The following RAD54L variants were observed in gnomAD, a reference collection of about 807,000 sequenced individuals.
The protein encoded by RAD54L is DNA repair and recombination protein RAD54-like.
Under a neutral mutation model 91.6 loss-of-function variants are expected in RAD54L, and 74 were observed. The ratio of observed to expected loss-of-function variants is 0.81; its 90% CI spans 0.67 to 0.98. RAD54L has a LOEUF of 0.98. RAD54L is among the 50% of genes least tolerant of loss of function. RAD54L has a pLI of 0.00. For synonymous variants in RAD54L, 304 were observed against 349.7 expected (o/e 0.87, Z 1.46); for missense variants, 887 against 945.7 (o/e 0.94, Z 0.81).
chr1:46,259,108 A>G (rs1660023637), intron 4 of RAD54L, among the ~76,000 whole-genome samples: 1 of 151,510 alleles, frequency 6.6e-6, no homozygotes, highest in South Asian at 2.1e-4. Flanking sequence ...TCCCTGTCTT[A>G]TGTAGGGTAC....
At chr1:46,257,796 C>A (rs1309744925) in intron 3 of RAD54L, among the ~76,000 whole-genome samples, 5 of 152,170 alleles carry the variant, frequency 3.3e-5, no homozygotes. Context: ...GGGTGAGAGG[C>A]CACGTTGCCT....
intron 3 of RAD54L, among the ~76,000 whole-genome samples, chr1:46,255,179 G>T (rs1463815958): frequency 6.6e-6 from 1 of 152,052 alleles, no homozygotes; most frequent in African/African-American, 2.4e-5. Flanking sequence ...GGAGAGGAGA[G>T]ATAAGCAATC....
At position 46,277,806 on chromosome 1, in the gene RAD54L, C is replaced by A; in HGVS notation, c.1870-11C>A. 6.2e-7 allele frequency: 1 copy of A among 1,600,286 alleles called. No homozygotes were observed. The highest frequency in any genetic ancestry group is 8.6e-7 in the Non-Finnish European group (1 of 1,167,880). ...TGTATCTTTTGACATTCCCCACCTCCTCTTCCCCAGGCAGGGACCATTGAG... is the reference window on the plus strand; with the variant it reads ...TGTATCTTTTGACATTCCCCACCTCATCTTCCCCAGGCAGGGACCATTGAG... On this transcript the variant is annotated splice_polypyrimidine_tract_variant and intron_variant, in intron 16 of 17. Coordinates refer to ENST00000371975, the MANE Select transcript of RAD54L (RefSeq NM_003579.4).
chr1:46,277,562 A>C, intron 16 of RAD54L: 1 of 530,392 alleles, frequency 1.9e-6, no homozygotes, highest in Non-Finnish European at 3.4e-6. Flanking sequence ...CCCTGACGGG[A>C]TTTAGCCAGG....
At chr1:46,253,809 A>G (rs2148280337) in intron 3 of RAD54L, among the ~76,000 whole-genome samples, 1 of 130,144 alleles carries the variant, frequency 7.7e-6, no homozygotes, top group South Asian at 2.3e-4. Flanking sequence ...TCACCTGCTT[A>G]CTTATCTCCA....
Position 46,267,664 on chromosome 1 carries a change from G to A in RAD54L, c.1042+55G>A. ...GAGAGGAGCCCTGCCTTGTCTTTGG[G>A]AGTATAACTCCAGCTGAGGAGAGAA... is the stretch of plus-strand genomic sequence containing the variant. On this transcript the variant is annotated intron_variant, in intron 9 of 17. Coordinates refer to ENST00000371975, the MANE Select transcript of RAD54L (RefSeq NM_003579.4). 3 of 1,542,766 alleles carry A rather than the reference G, an allele frequency of 1.9e-6. No homozygotes were observed. In the South Asian group the frequency reaches 3.4e-5, roughly 17 times the overall value.
chr1:46,275,845 TG>T (rs2148304888), intron 16 of RAD54L, among the ~76,000 whole-genome samples: 1 of 152,172 alleles, frequency 6.6e-6, no homozygotes, highest in East Asian at 1.9e-4. Context: ...CCTTAAAAAA[TG>T]CTCTTCTAGG....
At chr1:46,249,095 T>C (rs1659732792) in intron 2 of RAD54L, among the ~76,000 whole-genome samples, 1 of 152,204 alleles carries the variant, frequency 6.6e-6, no homozygotes, top group Non-Finnish European at 1.5e-5. Flanking sequence ...TGGAGGCTTG[T>C]TGGGGCTGGC....
intron 9 of RAD54L, among the ~76,000 whole-genome samples, chr1:46,270,072 C>CA (rs113136605): frequency 0.023 from 3,253 of 139,566 alleles, 100 homozygotes; most frequent in African/African-American, 0.076. Context: ...GAACCTGTCT[C>CA]AAAAAAAAAA....
chr1:46,276,183 T>C (rs1160559733), intron 16 of RAD54L, among the ~76,000 whole-genome samples: 3 of 152,164 alleles, frequency 2.0e-5, no homozygotes, highest in African/African-American at 4.8e-5. Flanking sequence ...TCTGATTGAT[T>C]AACTGATTGA....
intron 13 of RAD54L, 65 bp downstream of exon 13, chr1:46,273,530 T>A (rs1660497504): frequency 6.2e-7 from 1 of 1,611,166 alleles, no homozygotes; most frequent in Non-Finnish European, 8.5e-7. Context: ...TTTTTTGTGC[T>A]AGGGCTGTCC....
chr1:46,262,141 C>T (rs950046707), intron 8 of RAD54L, among the ~76,000 whole-genome samples: 4 of 151,766 alleles, frequency 2.6e-5, no homozygotes, highest in Non-Finnish European at 5.9e-5. Context: ...TGACCGGGCG[C>T]GGTGGCTCAC....
chr1:46,274,118 G>A lies in RAD54L; in HGVS notation c.1611-20G>A. ...TAATCATTGAAGCTTTATTTTCTTG[G>A]GTCTCGAATCCCCCTTCAGGTACTT... On this transcript the variant is annotated intron_variant, in intron 14 of 17. Transcript: ENST00000371975. 5 of 1,595,812 alleles carry A rather than the reference G, an allele frequency of 3.1e-6. No homozygotes were observed. The highest frequency in any genetic ancestry group is 4.3e-6 in the Non-Finnish European group (5 of 1,163,830).
Position 46,267,472 on chromosome 1 carries a change from A to G in RAD54L, c.905A>G (p.Lys302Arg). The G allele has an allele frequency of 6.2e-7, 1 of 1,614,126 alleles. No individual in the cohort carries two copies. The highest frequency in any genetic ancestry group is 8.5e-7 in the Non-Finnish European group (1 of 1,180,042). The change falls in exon 9 of 18, where the codon AAG (lysine) becomes AGG (arginine). Residue 302 changes from lysine to arginine, a missense_variant. Physicochemically the swap from Lys to Arg is conservative, Grantham distance 26. Coordinates refer to ENST00000371975, the MANE Select transcript of RAD54L (RefSeq NM_003579.4). ...LVICDEGHRL[K>R]NSENQTYQAL... ...ATTCTCTTGCAGGGACACAGGCTCA[A>G]GAACTCTGAGAATCAGACTTACCAA...
In RAD54L at chr1:46,260,560, T is replaced by C. The variant is rs1214036285; in HGVS notation, c.426T>C (p.His142=). ...LKLDKEKLPV[H]VVVDPILSKV... ...TTCTCAGGGAGAAACTCCCTGTCCA[T>C]GTGGTTGTTGACCCTATTCTCAGTA... The change falls in exon 6 of 18, where the codon CAT becomes CAC. Residue 142 remains histidine (H), a synonymous_variant. Transcript: ENST00000371975. The C allele has an allele frequency of 6.2e-7, 1 of 1,614,004 alleles. No individual in the cohort carries two copies. The highest frequency in any genetic ancestry group is 1.1e-5 in the South Asian group (1 of 91,078).
Position 46,260,846 on chromosome 1 carries a change from A to G in RAD54L, c.597A>G (p.Thr199=), listed in dbSNP as rs775094782. The G allele has an allele frequency of 1.9e-6, 3 of 1,614,236 alleles. No individual in the cohort carries two copies. Among genetic ancestry groups the G allele is most frequent in the Non-Finnish European group, 2.5e-6 (3 of 1,180,044 alleles). Residue 199 remains threonine (T), a synonymous_variant, in exon 7 of 18, where the codon ACA becomes ACG. Coordinates refer to ENST00000371975, the MANE Select transcript of RAD54L (RefSeq NM_003579.4). The stretch of plus-strand genomic sequence containing the variant: ...TGCAGTGCATCACATTGATGTGGAC[A>G]CTTTTACGCCAGAGTCCAGAGTGCA... ...KTLQCITLMW[T]LLRQSPECKP...
intron 9 of RAD54L, 74 bp from the exon 10 acceptor site, chr1:46,270,585 A>G: frequency 6.3e-7 from 1 of 1,586,538 alleles, no homozygotes; most frequent in South Asian, 1.1e-5. Flanking sequence ...GTGAGAAGGT[A>G]GTCTGCCATC....
Position 46,260,595 on chromosome 1 carries a change from G to A in RAD54L, c.461G>A (p.Arg154Gln), listed in dbSNP as rs371935755. ...GACCCTATTCTCAGTAAGGTTTTGCGGCCTCATCAGAGAGAGGTAAATGAG... is the reference window on the plus strand; with the variant it reads ...GACCCTATTCTCAGTAAGGTTTTGCAGCCTCATCAGAGAGAGGTAAATGAG... The part of the protein sequence containing the change: ...VVDPILSKVL[R>Q]PHQREGVKFL... Residue 154 changes from arginine to glutamine, a missense_variant, in exon 6 of 18, where the codon CGG (arginine) becomes CAG (glutamine). By Grantham distance (43) the Arg-to-Gln change is conservative. Coordinates refer to ENST00000371975, the MANE Select transcript of RAD54L (RefSeq NM_003579.4). 1.4e-5 allele frequency: 22 copies of A among 1,613,964 alleles called. No individual in the cohort carries two copies. In the East Asian group the frequency reaches 2.2e-4, roughly 16 times the overall value.
chr1:46,255,559 C>T (rs1029149130), intron 3 of RAD54L, among the ~76,000 whole-genome samples: 4 of 142,622 alleles, frequency 2.8e-5, no homozygotes, highest in Admixed American at 1.5e-4. Flanking sequence ...AGTGCAGTGG[C>T]GCGATCTCGG....
Sources: gnomAD v4.1 joint callset for allele counts (sites outside exome capture counted in the v4.1 genomes callset) on GRCh38, gnomAD v4.1.1 for gene constraint, MANE v1.5 for transcripts, NCBI Gene and HGNC (gene_info 2026-07-23, HGNC 2026-07-21) for gene names.